TTC28: variants seen among roughly 807,000 people sequenced by gnomAD.
TTC28 encodes tetratricopeptide repeat domain 28, also known as tetratricopeptide repeat protein 28.
Under a neutral mutation model 198.0 loss-of-function variants are expected in TTC28, and 61 were observed. The ratio of observed to expected loss-of-function variants is 0.31; its 90% CI spans 0.25 to 0.38. The LOEUF (loss-of-function observed/expected upper bound fraction) is 0.38. Ranked by LOEUF, TTC28 falls within the 10% of genes least tolerant of loss-of-function variation. TTC28 has a pLI of 1.00. For missense variants in TTC28, 2,678 were observed against 3,164.0 expected (o/e 0.85, Z 3.69); for synonymous variants, 1,171 against 1,297.8 (o/e 0.90, Z 2.10).
intron 12 of TTC28, among the ~76,000 whole-genome samples, chr22:28,074,347 C>G (rs980344027): frequency 1.6e-4 from 24 of 152,276 alleles, no homozygotes; most frequent in African/African-American, 5.8e-4. Flanking sequence ...GTGGCAACAT[C>G]CAGCTAGCAG....
intron 5 of TTC28, among the ~76,000 whole-genome samples, chr22:28,201,631 TGA>T (rs1161869142): frequency 1.3e-5 from 2 of 150,080 alleles, no homozygotes; most frequent in East Asian, 2.0e-4. Flanking sequence ...AGAAAGAAAA[TGA>T]GAGAGGATGG....
intron 6 of TTC28, among the ~76,000 whole-genome samples, chr22:28,141,539 C>G (rs776325660): frequency 5.9e-5 from 9 of 152,080 alleles, no homozygotes; most frequent in Non-Finnish European, 8.8e-5. Flanking sequence ...ATAATTCTTT[C>G]ATGATCTGGG....
chr22:28,258,578 C>T (rs1006915972), intron 5 of TTC28, among the ~76,000 whole-genome samples: 5 of 152,046 alleles, frequency 3.3e-5, no homozygotes, highest in East Asian at 3.9e-4. Context: ...TGTCTAAAAC[C>T]GGCAAGTTAT....
At chr22:28,572,910 A>T (rs2050085716) in intron 2 of TTC28, among the ~76,000 whole-genome samples, 1 of 152,142 alleles carries the variant, frequency 6.6e-6, no homozygotes, top group South Asian at 2.1e-4. Context: ...ATAATTTAGG[A>T]GGCCAAAGTG....
At chr22:28,001,051 C>T (rs1937664068) in intron 15 of TTC28, 2 of 230,480 alleles carry the variant, frequency 8.7e-6, no homozygotes, top group East Asian at 7.9e-5. Flanking sequence ...GTGACCAGCC[C>T]CCTCAGGTGC....
chr22:28,670,054 C>G (rs1459597987), intron 1 of TTC28, among the ~76,000 whole-genome samples: 2 of 146,580 alleles, frequency 1.4e-5, no homozygotes, highest in Non-Finnish European at 1.5e-5. Flanking sequence ...ATGGCCAGAT[C>G]AAGTAATCCT....
rs1464113180 is a variant in TTC28 at position 27,981,462 on chromosome 22, A to G, written c.*759T>C. ...AAAAGGTCAATAATGTTTTAAAAGC[A>G]CAAAGTTGCATTTTAAATCACAATT... On this transcript the variant is annotated 3_prime_UTR_variant, in exon 23 of 23. Coordinates refer to ENST00000397906, the MANE Select transcript of TTC28 (RefSeq NM_001145418.2). 1 of 152,092 alleles carries G rather than the reference A, an allele frequency of 6.6e-6. No homozygotes were observed. Among genetic ancestry groups the G allele is most frequent in the Non-Finnish European group, 1.5e-5 (1 of 68,024 alleles). The allele number at this position is 152,092 out of a possible 1,614,324, so 9.4% of individuals were successfully genotyped here.
intron 2 of TTC28, among the ~76,000 whole-genome samples, chr22:28,381,804 A>AT (rs1290054501): frequency 6.6e-6 from 1 of 152,082 alleles, no homozygotes; most frequent in Non-Finnish European, 1.5e-5. Context: ...TTTAAAGGGT[A>AT]TTTTTTCCTT....
rs142666411 is a variant in TTC28 at position 28,456,994 on chromosome 22, GTTTAT to G, written c.382-150356_382-150352del. On this transcript the variant is annotated intron_variant, in intron 2 of 22. Transcript: ENST00000397906. ...TTGAGAAAACAGTCTTAGTTGAATG[GTTTAT>G]TTTATTTATGGGCATGTACTGATGC... 1.6e-3 allele frequency among the ~76,000 whole-genome samples: 239 copies of G among 152,224 alleles called. 4 individuals are homozygous for G. In the East Asian group the frequency reaches 0.021, roughly 13 times the overall value.
At chr22:28,160,261 C>T (rs572661224) in intron 6 of TTC28, among the ~76,000 whole-genome samples, 3 of 152,292 alleles carry the variant, frequency 2.0e-5, no homozygotes, top group Admixed American at 2.0e-4. Context: ...GATGGATACC[C>T]CATTCTCCAT....
At chr22:28,209,332 G>A (rs1926695275) in intron 5 of TTC28, among the ~76,000 whole-genome samples, 1 of 152,196 alleles carries the variant, frequency 6.6e-6, no homozygotes, top group Non-Finnish European at 1.5e-5. Context: ...CCAAAGCAGG[G>A]CGGGGCATCG....
In TTC28 at chr22:28,048,980, C is replaced by T. The variant is rs141502199; in HGVS notation, c.3933-18614G>A. On this transcript the variant is annotated intron_variant, in intron 12 of 22. Transcript: ENST00000397906. ...AGGGAGCTCTCCCTTCTCTGTGCAC[C>T]TCCAGCAGCACCTACTAGGTGAATA... Among the ~76,000 whole-genome samples, 613 of 152,262 alleles carry T rather than the reference C, an allele frequency of 4.0e-3. 4 individuals carry two copies. The highest frequency in any genetic ancestry group is 9.6e-3 in the South Asian group (46 of 4,816).
chr22:28,409,177 G>T (rs2047042810), intron 2 of TTC28, among the ~76,000 whole-genome samples: 1 of 152,108 alleles, frequency 6.6e-6, no homozygotes, highest in Non-Finnish European at 1.5e-5. Context: ...AAATACTACA[G>T]TTCTTAAAAC....
chr22:28,113,463 A>G (rs758360185), intron 6 of TTC28, among the ~76,000 whole-genome samples: 15 of 152,216 alleles, frequency 9.9e-5, no homozygotes, highest in Non-Finnish European at 1.8e-4. Context: ...TGGCGAAAGT[A>G]ATGGAGATTC....
chr22:28,296,431 G>A, intron 4 of TTC28, 103 bp from the exon 5 acceptor site: 1 of 1,047,706 alleles, frequency 9.5e-7, no homozygotes, highest in Non-Finnish European at 1.3e-6. Context: ...AGATTTATTA[G>A]CTAAGATTTC....
chr22:28,424,545 C>T (rs2047316933), intron 2 of TTC28, among the ~76,000 whole-genome samples: 1 of 152,030 alleles, frequency 6.6e-6, no homozygotes, highest in African/African-American at 2.4e-5. Context: ...TCTCTTTATC[C>T]AAGTCATAGT....
intron 5 of TTC28, among the ~76,000 whole-genome samples, chr22:28,293,338 G>C (rs1482050202): frequency 6.6e-6 from 1 of 152,108 alleles, no homozygotes; most frequent in Non-Finnish European, 1.5e-5. Context: ...TGAACTTGGA[G>C]AATATCATGT....
Position 28,298,812 on chromosome 22 carries a change from G to T in TTC28, c.530-960C>A, listed in dbSNP as rs148038425. Among the ~76,000 whole-genome samples, 149 of 152,220 alleles carry T rather than the reference G, an allele frequency of 9.8e-4. 1 individual carries two copies. The highest frequency in any genetic ancestry group is 2.5e-3 in the African/African-American group (103 of 41,552). On this transcript the variant is annotated intron_variant, in intron 3 of 22. Transcript: ENST00000397906. ...CTGTCCATATTTTTTCCTAGAAGAT[G>T]CTATAAAAGCTCTCCCAACAAAACC...
At chr22:28,330,028 G>A (rs532571916) in intron 2 of TTC28, among the ~76,000 whole-genome samples, 5 of 152,310 alleles carry the variant, frequency 3.3e-5, no homozygotes, top group Admixed American at 2.6e-4. Flanking sequence ...CATCAGCACA[G>A]TAGTCCTACT....
Sources: gnomAD v4.1 joint callset for allele counts (sites outside exome capture counted in the v4.1 genomes callset) on GRCh38, gnomAD v4.1.1 for gene constraint, MANE v1.5 for transcripts, NCBI Gene and HGNC (gene_info 2026-07-23, HGNC 2026-07-21) for gene names.